HTR7: variants seen among roughly 807,000 people sequenced by gnomAD.
The protein encoded by HTR7 is 5-hydroxytryptamine receptor 7.
In HTR7, 16 loss-of-function variants were observed where a neutral mutation model predicts 34.0. The ratio of observed to expected loss-of-function variants is 0.47; its 90% CI spans 0.32 to 0.71. HTR7 has a LOEUF of 0.71. HTR7 is among the 30% of genes least tolerant of loss of function. HTR7 has a pLI of 0.04. For synonymous variants in HTR7, 265 were observed against 260.2 expected (o/e 1.02, Z -0.18); for missense variants, 504 against 625.5 (o/e 0.81, Z 2.07).
At chr10:90,846,885 A>G (rs185825393) in intron 1 of HTR7, among the ~76,000 whole-genome samples, 1 of 152,282 alleles carries the variant, frequency 6.6e-6, no homozygotes, top group East Asian at 1.9e-4. Flanking sequence ...TATCTACTGC[A>G]AGGGGTGAAG....
chr10:90,779,714 G>GA (rs1270128141), intron 1 of HTR7, among the ~76,000 whole-genome samples: 1 of 152,058 alleles, frequency 6.6e-6, no homozygotes, highest in Non-Finnish European at 1.5e-5. Context: ...ATCTCACCCA[G>GA]AAAAAACATT....
chr10:90,796,101 G>A (rs1277120940), intron 1 of HTR7, among the ~76,000 whole-genome samples: 1 of 152,204 alleles, frequency 6.6e-6, no homozygotes, highest in African/African-American at 2.4e-5. Context: ...AAGGGAGGAA[G>A]GTATAATGAG....
chr10:90,753,553 A>G (rs1844777863), intron 1 of HTR7, among the ~76,000 whole-genome samples: 1 of 152,194 alleles, frequency 6.6e-6, no homozygotes, highest in Non-Finnish European at 1.5e-5. Flanking sequence ...TTACGTTGCT[A>G]TTGGGAATGT....
chr10:90,773,205 C>T (rs1418703691), intron 1 of HTR7, among the ~76,000 whole-genome samples: 1 of 152,190 alleles, frequency 6.6e-6, no homozygotes, highest in Non-Finnish European at 1.5e-5. Context: ...AGAGAAGTCG[C>T]AGCTGCTTGA....
At chr10:90,774,683 C>T (rs1329526218) in intron 1 of HTR7, among the ~76,000 whole-genome samples, 1 of 152,194 alleles carries the variant, frequency 6.6e-6, no homozygotes, top group African/African-American at 2.4e-5. Context: ...TTCCTTCCAT[C>T]TTTTTACTCT....
rs1347460103 is a variant in HTR7 at position 90,810,680 on chromosome 10, G to A, written c.539+46453C>T. ...TTATTCTGTTCTAGATCTCAAACACGCTTTCTTTACTATTCCTTTGCACCC... is the reference window on the plus strand; with the variant it reads ...TTATTCTGTTCTAGATCTCAAACACACTTTCTTTACTATTCCTTTGCACCC... On this transcript the variant is annotated intron_variant, in intron 1 of 3. Coordinates refer to ENST00000336152, the MANE Select transcript of HTR7 (RefSeq NM_019859.4). 6.6e-5 allele frequency among the ~76,000 whole-genome samples: 10 copies of A among 152,104 alleles called. No individual in the cohort carries two copies. The South Asian group carries it at 1.0e-3, about 16-fold the overall frequency.
Position 90,837,375 on chromosome 10 carries a change from G to A in HTR7, c.539+19758C>T, listed in dbSNP as rs573216499. On this transcript the variant is annotated intron_variant, in intron 1 of 3. Coordinates refer to ENST00000336152, the MANE Select transcript of HTR7 (RefSeq NM_019859.4). ...CACTTACATAAACAATGATATGGTTGAATGTGTTGCCTAAAAGTTCATGTG... is the reference window on the plus strand; with the variant it reads ...CACTTACATAAACAATGATATGGTTAAATGTGTTGCCTAAAAGTTCATGTG... Among the ~76,000 whole-genome samples, 339 of 152,358 alleles carry A rather than the reference G, an allele frequency of 2.2e-3. 4 individuals carry two copies. The highest frequency in any genetic ancestry group is 7.6e-3 in the African/African-American group (317 of 41,582).
chr10:90,836,559 T>C (rs1056854474), intron 1 of HTR7, among the ~76,000 whole-genome samples: 1 of 151,944 alleles, frequency 6.6e-6, no homozygotes, highest in African/African-American at 2.4e-5. Flanking sequence ...TTGCTCACGC[T>C]GGAGTACAGT....
chr10:90,750,571 G>C (rs750678915), intron 1 of HTR7, among the ~76,000 whole-genome samples: 1 of 152,010 alleles, frequency 6.6e-6, no homozygotes, highest in African/African-American at 2.4e-5. Flanking sequence ...AAAAAAAACT[G>C]GTCATTTTGT....
At chr10:90,819,861 AAAG>A (rs1201306121) in intron 1 of HTR7, among the ~76,000 whole-genome samples, 2 of 152,194 alleles carry the variant, frequency 1.3e-5, no homozygotes, top group Non-Finnish European at 2.9e-5. Context: ...AAAAAAAAAA[AAAG>A]AACATCTTTT....
chr10:90,803,946 T>C (rs1423704791), intron 1 of HTR7, among the ~76,000 whole-genome samples: 4 of 152,040 alleles, frequency 2.6e-5, no homozygotes, highest in African/African-American at 7.2e-5. Flanking sequence ...TGTTGCTTTT[T>C]CCAAAACCAC....
intron 1 of HTR7, among the ~76,000 whole-genome samples, chr10:90,838,965 C>A (rs1490591783): frequency 6.6e-6 from 1 of 152,082 alleles, no homozygotes; most frequent in East Asian, 1.9e-4. Flanking sequence ...AATATAAGAT[C>A]CTAGAGAGCA....
intron 1 of HTR7, among the ~76,000 whole-genome samples, chr10:90,764,151 C>T (rs1385065944): frequency 6.6e-6 from 1 of 152,160 alleles, no homozygotes; most frequent in Non-Finnish European, 1.5e-5. Context: ...AATTGCCATT[C>T]TGACTGGCTG....
intron 1 of HTR7, among the ~76,000 whole-genome samples, chr10:90,818,056 T>C (rs1424429393): frequency 6.6e-6 from 1 of 152,170 alleles, no homozygotes; most frequent in African/African-American, 2.4e-5. Flanking sequence ...GAAGTGGGTA[T>C]AGACTATAAA....
intron 1 of HTR7, among the ~76,000 whole-genome samples, chr10:90,774,387 G>C (rs1482810706): frequency 6.6e-6 from 1 of 152,132 alleles, no homozygotes; most frequent in Non-Finnish European, 1.5e-5. Flanking sequence ...TTAGTACTCA[G>C]TACTCATTTT....
chr10:90,775,712 A>G (rs1845195729), intron 1 of HTR7, among the ~76,000 whole-genome samples: 1 of 152,196 alleles, frequency 6.6e-6, no homozygotes. Context: ...TAGAGACAAA[A>G]TTCTAGAAAG....
At chr10:90,801,590 T>G (rs1389194975) in intron 1 of HTR7, among the ~76,000 whole-genome samples, 1 of 152,222 alleles carries the variant, frequency 6.6e-6, no homozygotes, top group Admixed American at 6.5e-5. Context: ...CTCCCATTAA[T>G]CTGCCTTTTG....
intron 1 of HTR7, among the ~76,000 whole-genome samples, chr10:90,853,231 C>A (rs1368055055): frequency 1.3e-5 from 2 of 149,964 alleles, no homozygotes; most frequent in Non-Finnish European, 3.0e-5. Context: ...ATATGTAAAA[C>A]TATTTTTCAT....
At chr10:90,802,956 TG>T (rs1845651446) in intron 1 of HTR7, among the ~76,000 whole-genome samples, 1 of 150,854 alleles carries the variant, frequency 6.6e-6, no homozygotes, top group African/African-American at 2.4e-5. Context: ...ATAGAGTATA[TG>T]GCCAGACAGA....
Sources: allele counts gnomAD v4.1 joint callset (sites outside exome capture counted in the v4.1 genomes callset), GRCh38; gene constraint gnomAD v4.1.1; transcripts MANE v1.5; gene names NCBI Gene and HGNC (gene_info 2026-07-23, HGNC 2026-07-21).